KATNBL1: variants seen among roughly 807,000 people sequenced by gnomAD.
The protein encoded by KATNBL1 is katanin regulatory subunit B1 like 1, also known as KATNB1-like protein 1.
Under a neutral mutation model 44.7 loss-of-function variants are expected in KATNBL1, and 28 were observed. That is an observed-to-expected ratio of 0.63 (90% CI 0.46 to 0.86). KATNBL1 has a LOEUF of 0.86. KATNBL1 is among the 40% of genes least tolerant of loss of function. The pLI is 0.00. For missense variants in KATNBL1, 272 were observed against 350.7 expected, an observed-to-expected ratio of 0.78 and a Z score of 1.79; for synonymous variants, 78 against 114.9, an observed-to-expected ratio of 0.68 and a Z score of 2.06.
intron 1 of KATNBL1, among the ~76,000 whole-genome samples, chr15:34,180,291 A>G (rs1463595225): frequency 6.6e-6 from 1 of 151,884 alleles, no homozygotes; most frequent in Non-Finnish European, 1.5e-5. Context: ...TGCGTCTTGA[A>G]TTAAACCTAT....
At chr15:34,167,424 G>A (rs1272726405) in intron 1 of KATNBL1, among the ~76,000 whole-genome samples, 1 of 152,102 alleles carries the variant, frequency 6.6e-6, no homozygotes, top group Non-Finnish European at 1.5e-5. Flanking sequence ...AACGAACAAA[G>A]CCTCCAAGAA....
chr15:34,199,754 C>A (rs1476022370), intron 1 of KATNBL1: 1 of 152,232 alleles, frequency 6.6e-6, no homozygotes, highest in Non-Finnish European at 1.5e-5. Context: ...GCCGGAGGAC[C>A]TTCGTGGCAA....
chr15:34,140,919 T>C lies in KATNBL1; in HGVS notation c.*1420A>G, dbSNP rs1050024532. The C allele has an allele frequency of 2.0e-5, 3 of 152,102 alleles. No individual in the cohort carries two copies. Among genetic ancestry groups the C allele is most frequent in the Non-Finnish European group, 1.5e-5 (1 of 67,984 alleles). 9.4% of individuals were successfully genotyped at this position (152,102 alleles called of 1,614,324 possible). A position where few individuals can be genotyped will look rare whatever the true frequency, so the allele number is the denominator to read the frequency against. On this transcript the variant is annotated 3_prime_UTR_variant, in exon 10 of 10. Coordinates refer to ENST00000256544, the MANE Select transcript of KATNBL1 (RefSeq NM_024713.3). ...ATAGCTACACAAAACCAGAACTCAG[T>C]GAAACATAACTTTTAAGAGCAAGAA...
intron 1 of KATNBL1, 24 bp from the exon 2 acceptor site, chr15:34,163,714 A>G: frequency 1.5e-6 from 2 of 1,329,598 alleles, no homozygotes; most frequent in Non-Finnish European, 2.1e-6. Context: ...TAAAATAGAA[A>G]ATTAAAACAG....
intron 1 of KATNBL1, among the ~76,000 whole-genome samples, chr15:34,173,967 A>G (rs1889249545): frequency 6.6e-6 from 1 of 152,204 alleles, no homozygotes; most frequent in Non-Finnish European, 1.5e-5. Context: ...TTAGCCAAAC[A>G]AAACAAATGA....
chr15:34,156,323 G>A (rs938989947), intron 2 of KATNBL1, among the ~76,000 whole-genome samples: 3 of 152,122 alleles, frequency 2.0e-5, no homozygotes, highest in Admixed American at 6.5e-5. Flanking sequence ...AGCTTGGCAC[G>A]ACTTGTTACC....
At chr15:34,184,566 C>T (rs1030351555) in intron 1 of KATNBL1, among the ~76,000 whole-genome samples, 1 of 55,048 alleles carries the variant, frequency 1.8e-5, no homozygotes, top group South Asian at 1.1e-3. Flanking sequence ...TCCTGTCTCT[C>T]CTAATGTTTC....
chr15:34,192,863 C>G (rs190216853), intron 1 of KATNBL1, among the ~76,000 whole-genome samples: 2 of 152,206 alleles, frequency 1.3e-5, no homozygotes, highest in African/African-American at 4.8e-5. Context: ...CAGTATTAAA[C>G]GTTTTTACTT....
chr15:34,178,468 T>C (rs938566502), intron 1 of KATNBL1, among the ~76,000 whole-genome samples: 3 of 152,086 alleles, frequency 2.0e-5, no homozygotes, highest in African/African-American at 7.2e-5. Flanking sequence ...TCTTCAAGAA[T>C]TTCAATGGGC....
At chr15:34,185,689 G>A (rs1474019640) in intron 1 of KATNBL1, among the ~76,000 whole-genome samples, 1 of 152,168 alleles carries the variant, frequency 6.6e-6, no homozygotes, top group Non-Finnish European at 1.5e-5. Context: ...GCTCTAATCA[G>A]GTGCTGCAGC....
intron 1 of KATNBL1, among the ~76,000 whole-genome samples, chr15:34,174,082 T>G (rs1014468045): frequency 5.9e-5 from 9 of 152,186 alleles, no homozygotes; most frequent in Non-Finnish European, 1.2e-4. Flanking sequence ...CATTCTTGAG[T>G]TTTCCAAATT....
At chr15:34,146,275 T>C (rs1888308014) in intron 8 of KATNBL1, 1 of 152,336 alleles carries the variant, frequency 6.6e-6, no homozygotes, top group South Asian at 2.1e-4. Context: ...AAGGAAACTG[T>C]TGGGAGATAT....
At chr15:34,151,420 T>C (rs960484760) in intron 4 of KATNBL1, among the ~76,000 whole-genome samples, 1 of 150,022 alleles carries the variant, frequency 6.7e-6, no homozygotes. Context: ...AAAGTGTCTA[T>C]TGTGTCCTTT....
At chr15:34,191,819 C>T (rs1889882042) in intron 1 of KATNBL1, among the ~76,000 whole-genome samples, 1 of 151,460 alleles carries the variant, frequency 6.6e-6, no homozygotes, top group South Asian at 2.1e-4. Flanking sequence ...TGGTGGCGGG[C>T]GCCTGTAGTC....
At chr15:34,187,864 C>A (rs1227159121) in intron 1 of KATNBL1, among the ~76,000 whole-genome samples, 1 of 152,062 alleles carries the variant, frequency 6.6e-6, no homozygotes. Flanking sequence ...ATAGGCCAGG[C>A]ACGGTGGCTC....
intron 1 of KATNBL1, among the ~76,000 whole-genome samples, chr15:34,192,598 C>A (rs940088081): frequency 3.3e-5 from 5 of 152,000 alleles, no homozygotes; most frequent in African/African-American, 2.4e-5. Context: ...TATACGAAAT[C>A]GACTTTGTTT....
At chr15:34,154,426 A>G (rs1420086547) in intron 3 of KATNBL1, among the ~76,000 whole-genome samples, 1 of 152,224 alleles carries the variant, frequency 6.6e-6, no homozygotes, top group Non-Finnish European at 1.5e-5. Flanking sequence ...ATCAACTGTT[A>G]GGGTTAATGT....
intron 9 of KATNBL1, chr15:34,144,929 C>A: frequency 2.9e-6 from 1 of 346,692 alleles, no homozygotes; most frequent in South Asian, 1.0e-4. Context: ...TTACTTTTTC[C>A]TTTACGAGAC....
At chr15:34,162,607 C>T (rs1888841864) in intron 2 of KATNBL1, among the ~76,000 whole-genome samples, 1 of 152,114 alleles carries the variant, frequency 6.6e-6, no homozygotes, top group Non-Finnish European at 1.5e-5. Flanking sequence ...AATCTCTTTT[C>T]TTGTTGCTGT....
Sources: allele counts gnomAD v4.1 joint callset (sites outside exome capture counted in the v4.1 genomes callset), GRCh38; gene constraint gnomAD v4.1.1; transcripts MANE v1.5; gene names NCBI Gene and HGNC (gene_info 2026-07-23, HGNC 2026-07-21).